Variants in TFPI observed in about 807,000 individuals in gnomAD.
The protein encoded by TFPI is anti-convertin.
TFPI carries 15 observed loss-of-function variants against 34.6 expected under a neutral mutation model. That is an observed-to-expected ratio of 0.43 (90% confidence interval 0.29 to 0.67). The LOEUF is 0.67. Ranked by LOEUF, TFPI falls within the 30% of genes least tolerant of loss-of-function variation. The pLI, the probability that TFPI is intolerant of heterozygous loss-of-function variation, is 0.15. For synonymous variants in TFPI, 105 were observed against 120.1 expected (o/e 0.87, Z 0.82); for missense variants, 301 against 364.0 (o/e 0.83, Z 1.41).
rs532679960 is a variant in TFPI, at chr2:187,515,187, A to G, written c.-2-11417T>C. 8 of 152,364 alleles carry G rather than the reference A, an allele frequency of 5.3e-5. No homozygotes were observed. The East Asian group carries it at 1.4e-3, about 26-fold the overall frequency. 9.4% of individuals were successfully genotyped at this position (152,364 alleles called of 1,614,324 possible). ...CTTTGGCAGCAACAGCCCTGCTAGCATAAGAAGTGGATAAGCTAACTCTTG... is the reference window on the plus strand; with the variant it reads ...CTTTGGCAGCAACAGCCCTGCTAGCGTAAGAAGTGGATAAGCTAACTCTTG... On this transcript the variant is annotated intron_variant, in intron 1 of 7. Coordinates refer to ENST00000233156, the MANE Select transcript of TFPI (RefSeq NM_006287.6).
intron 6 of TFPI, among the ~76,000 whole-genome samples, chr2:187,476,344 TTTTA>T (rs894578562): frequency 3.9e-5 from 6 of 152,012 alleles, no homozygotes; most frequent in East Asian, 1.9e-4. Context: ...GATCAACAGA[TTTTA>T]TTTATTTATT....
At chr2:187,508,305 G>A (rs984322601) in intron 1 of TFPI, among the ~76,000 whole-genome samples, 1 of 152,104 alleles carries the variant, frequency 6.6e-6, no homozygotes, top group Non-Finnish European at 1.5e-5. Context: ...CTGTTTTTTG[G>A]TTCCATGTGA....
intron 6 of TFPI, among the ~76,000 whole-genome samples, chr2:187,474,090 T>C (rs1692218289): frequency 6.6e-6 from 1 of 152,160 alleles, no homozygotes; most frequent in African/African-American, 2.4e-5. Flanking sequence ...AAGAAAGCCA[T>C]GGTAAAATTA....
chr2:187,540,997 G>T (rs1688557865), intron 1 of TFPI, among the ~76,000 whole-genome samples: 1 of 151,854 alleles, frequency 6.6e-6, no homozygotes, highest in Non-Finnish European at 1.5e-5. Context: ...CATTCAAGAT[G>T]CTTCAGATTC....
chr2:187,530,690 A>G (rs981555213), intron 1 of TFPI, among the ~76,000 whole-genome samples: 2 of 152,072 alleles, frequency 1.3e-5, no homozygotes, highest in African/African-American at 2.4e-5. Flanking sequence ...TTATATATTT[A>G]TTTGCTTACT....
intron 1 of TFPI, among the ~76,000 whole-genome samples, chr2:187,553,278 C>T (rs1166843923): frequency 6.6e-6 from 1 of 151,872 alleles, no homozygotes; most frequent in East Asian, 1.9e-4. Context: ...GAGTTTTGCC[C>T]TTTGTGTTTA....
chr2:187,489,881 A>G (rs1291381025), intron 3 of TFPI, among the ~76,000 whole-genome samples: 1 of 151,546 alleles, frequency 6.6e-6, no homozygotes, highest in Non-Finnish European at 1.5e-5. Flanking sequence ...TATGAAAGCG[A>G]TTAATAGTTA....
chr2:187,478,943 C>G, intron 6 of TFPI: 1 of 615,784 alleles, frequency 1.6e-6, no homozygotes, highest in Non-Finnish European at 2.7e-6. Flanking sequence ...GTAATCTAGA[C>G]AGTGAGGCAG....
chr2:187,519,429 C>G (rs111541793), intron 1 of TFPI: 1 of 152,954 alleles, frequency 6.5e-6, no homozygotes, highest in African/African-American at 2.4e-5. Context: ...CTGGAGTTTG[C>G]CTGAGGTCCA....
intron 2 of TFPI, among the ~76,000 whole-genome samples, chr2:187,498,784 GAAT>G (rs1272632915): frequency 7.9e-5 from 12 of 151,884 alleles, no homozygotes; most frequent in Non-Finnish European, 1.2e-4. Flanking sequence ...TGTTAACTTA[GAAT>G]AACATATGAC....
At chr2:187,509,884 A>C (rs1686501197) in intron 1 of TFPI, among the ~76,000 whole-genome samples, 1 of 151,700 alleles carries the variant, frequency 6.6e-6, no homozygotes, top group South Asian at 2.1e-4. Flanking sequence ...TTTGTTCCCT[A>C]CTCCCAAAGC....
chr2:187,550,290 G>T (rs1314720540), intron 1 of TFPI, among the ~76,000 whole-genome samples: 1 of 152,044 alleles, frequency 6.6e-6, no homozygotes, highest in African/African-American at 2.4e-5. Context: ...GTAAAGCAGG[G>T]AATATTTTTT....
intron 1 of TFPI, chr2:187,519,421 GGA>G (rs1168572427): frequency 6.5e-6 from 1 of 152,962 alleles, no homozygotes; most frequent in African/African-American, 2.4e-5. Flanking sequence ...CAGGTCTGCT[GGA>G]GTTTGCCTGA....
Position 187,530,839 on chromosome 2 carries a change from AT to A in TFPI, c.-3+23360del, listed in dbSNP as rs890806765. On this transcript the variant is annotated intron_variant, in intron 1 of 7. Coordinates refer to ENST00000233156, the MANE Select transcript of TFPI (RefSeq NM_006287.6). ...TTCGGTAAAAATTGTTTTATTTTGT[AT>A]TTTTTTTACAGAAAGTAAAAGGTCA... Among the ~76,000 whole-genome samples, 6 of 152,004 alleles carry A rather than the reference AT, an allele frequency of 3.9e-5. No individual in the cohort carries two copies. The East Asian group carries it at 5.8e-4, about 15-fold the overall frequency.
rs1276970370 is a variant in TFPI at position 187,520,484 on chromosome 2, T to C, written c.-2-16714A>G. ...CCCTCTATGGGCTGCACCCCCTGTCTAACCAGTCCCGATGAGATGAGCCAG... is the reference window on the plus strand; with the variant it reads ...CCCTCTATGGGCTGCACCCCCTGTCCAACCAGTCCCGATGAGATGAGCCAG... On this transcript the variant is annotated intron_variant, in intron 1 of 7. Transcript: ENST00000233156. The C allele has an allele frequency of 3.3e-5, 5 of 152,132 alleles. No homozygotes were observed. The South Asian group carries it at 8.3e-4, about 25-fold the overall frequency. 9.4% of individuals were successfully genotyped at this position (152,132 alleles called of 1,614,324 possible).
chr2:187,504,271 T>C (rs1686047000), intron 1 of TFPI, among the ~76,000 whole-genome samples: 1 of 152,120 alleles, frequency 6.6e-6, no homozygotes, highest in Non-Finnish European at 1.5e-5. Flanking sequence ...ATTTTCAGAA[T>C]TTTCATCTTT....
chr2:187,549,709 T>C (rs986079842), intron 1 of TFPI, among the ~76,000 whole-genome samples: 5 of 152,126 alleles, frequency 3.3e-5, no homozygotes, highest in African/African-American at 1.2e-4. Context: ...AATAAATGTA[T>C]GTTTATCTTA....
chr2:187,473,127 A>C (rs1692157099), intron 6 of TFPI, among the ~76,000 whole-genome samples: 1 of 152,194 alleles, frequency 6.6e-6, no homozygotes, highest in South Asian at 2.1e-4. Flanking sequence ...AATCAAGAAA[A>C]TATAATAATT....
intron 1 of TFPI, chr2:187,526,946 CTTG>C (rs1396686553): frequency 6.6e-6 from 1 of 152,168 alleles, no homozygotes; most frequent in African/African-American, 2.4e-5. Flanking sequence ...TTGTTGTCCT[CTTG>C]TTGTTGATTA....
Sources: allele counts gnomAD v4.1 joint callset (sites outside exome capture counted in the v4.1 genomes callset), GRCh38; gene constraint gnomAD v4.1.1; transcripts MANE v1.5; gene names NCBI Gene and HGNC (gene_info 2026-07-23, HGNC 2026-07-21).